The following TNS1 variants were observed in gnomAD, a reference collection of about 807,000 sequenced individuals.
TNS1 encodes the protein tensin 1, also known as tensin-1.
In TNS1, 62 loss-of-function variants were observed where a neutral mutation model predicts 168.6. The observed-to-expected ratio is 0.37, with a 90% CI of 0.30 to 0.45. The LOEUF is 0.45. Among genes scored for constraint, TNS1 ranks in the 20% least tolerant of loss-of-function variants. The pLI is 1.00. For synonymous variants in TNS1, 934 were observed against 933.2 expected, an observed-to-expected ratio of 1.00 and a Z score of -0.02; for missense variants, 2,240 against 2,339.4, an observed-to-expected ratio of 0.96 and a Z score of 0.88.
At chr2:217,854,445 C>A (rs1947885485) in intron 18 of TNS1, among the ~76,000 whole-genome samples, 1 of 152,150 alleles carries the variant, frequency 6.6e-6, no homozygotes, top group Non-Finnish European at 1.5e-5. Context: ...GATAAAAAGT[C>A]CTTTGGGTCC....
chr2:218,023,019 C>G (rs1160797692), intron 1 of TNS1, among the ~76,000 whole-genome samples: 4 of 152,224 alleles, frequency 2.6e-5, no homozygotes, highest in Admixed American at 6.5e-5. Context: ...CTCACGTGGC[C>G]TCACGTCTGG....
At chr2:217,878,481 T>A (rs550361253) in intron 18 of TNS1, among the ~76,000 whole-genome samples, 2 of 152,182 alleles carry the variant, frequency 1.3e-5, no homozygotes, top group African/African-American at 4.8e-5. Context: ...AGTTTCCCCA[T>A]TTGGACATAA....
chr2:217,827,897 A>G (rs547777857), intron 22 of TNS1, among the ~76,000 whole-genome samples: 1 of 152,340 alleles, frequency 6.6e-6, no homozygotes, highest in East Asian at 1.9e-4. Context: ...GAGAGACACA[A>G]TCACCAGGCT....
intron 9 of TNS1, among the ~76,000 whole-genome samples, chr2:217,894,767 A>G (rs554210062): frequency 3.3e-5 from 5 of 152,270 alleles, no homozygotes; most frequent in African/African-American, 9.6e-5. Context: ...GCCTCACCCA[A>G]GTGATTCTGT....
intron 8 of TNS1, among the ~76,000 whole-genome samples, chr2:217,897,571 G>A (rs1952452304): frequency 1.3e-5 from 2 of 152,192 alleles, no homozygotes; most frequent in African/African-American, 4.8e-5. Context: ...CACACACAGA[G>A]TTCCAGATGC....
At chr2:217,923,715 TCATTGGATG>T (rs1955858150) in intron 3 of TNS1, among the ~76,000 whole-genome samples, 1 of 152,236 alleles carries the variant, frequency 6.6e-6, no homozygotes, top group Non-Finnish European at 1.5e-5. Flanking sequence ...CCCTTTGCTC[TCATTGGATG>T]CTATTACCCC....
intron 28 of TNS1, among the ~76,000 whole-genome samples, chr2:217,811,225 C>T (rs972854514): frequency 1.3e-5 from 2 of 152,068 alleles, no homozygotes; most frequent in Admixed American, 6.5e-5. Context: ...CTGACACTGC[C>T]GGTCTAGGCC....
At chr2:217,915,652 A>G (rs1352111295) in intron 4 of TNS1, among the ~76,000 whole-genome samples, 1 of 152,234 alleles carries the variant, frequency 6.6e-6, no homozygotes, top group Non-Finnish European at 1.5e-5. Flanking sequence ...AGAGGGGCTC[A>G]GGAGAAGCCC....
chr2:218,019,772 C>T (rs1211564548), intron 1 of TNS1, among the ~76,000 whole-genome samples: 1 of 152,136 alleles, frequency 6.6e-6, no homozygotes, highest in Non-Finnish European at 1.5e-5. Context: ...CCAGTGTGTC[C>T]TGTTCTCTGA....
At position 217,802,697 on chromosome 2, in the gene TNS1, A is replaced by G. The variant is rs1299254615; in HGVS notation, c.*1762T>C. On this transcript the variant is annotated 3_prime_UTR_variant, in exon 33 of 33. Transcript: ENST00000682258. The stretch of plus-strand genomic sequence containing the variant: ...TTCAGGCTTTACTTACACATATAAA[A>G]AAGGATAGGAATTGGTTTATCCCCA... 6.6e-6 allele frequency: 1 copy of G among 152,646 alleles called. No individual in the cohort carries two copies. Among genetic ancestry groups the G allele is most frequent in the African/African-American group, 2.4e-5 (1 of 41,448 alleles). 9.5% of individuals were successfully genotyped at this position (152,646 alleles called of 1,614,324 possible). A position where few individuals can be genotyped will look rare whatever the true frequency, so the allele number is the denominator to read the frequency against.
At chr2:217,960,678 C>A (rs532246905) in intron 3 of TNS1, among the ~76,000 whole-genome samples, 5 of 152,282 alleles carry the variant, frequency 3.3e-5, no homozygotes, top group East Asian at 1.9e-4. Flanking sequence ...CCAACACAAC[C>A]ATTTCTGTCC....
intron 23 of TNS1, among the ~76,000 whole-genome samples, chr2:217,821,326 G>A (rs1281139411): frequency 3.9e-5 from 6 of 152,162 alleles, no homozygotes; most frequent in East Asian, 1.9e-4. Context: ...AACAATAATA[G>A]TGCTCACCTC....
intron 3 of TNS1, among the ~76,000 whole-genome samples, chr2:217,976,934 G>C (rs774908181): frequency 2.0e-5 from 3 of 152,242 alleles, no homozygotes; most frequent in Non-Finnish European, 1.5e-5. Flanking sequence ...CAGGGACAGA[G>C]AGCAGGTGAA....
chr2:217,987,327 C>A (rs546368186), intron 2 of TNS1, among the ~76,000 whole-genome samples: 1 of 152,166 alleles, frequency 6.6e-6, no homozygotes, highest in Non-Finnish European at 1.5e-5. Context: ...CAGGAGTTCA[C>A]AGGTCCGGAG....
chr2:217,979,118 G>C (rs553853119), intron 2 of TNS1, among the ~76,000 whole-genome samples: 1 of 152,008 alleles, frequency 6.6e-6, no homozygotes, highest in Non-Finnish European at 1.5e-5. Context: ...CAGGGGCAGA[G>C]GTAGCCCGGA....
At chr2:217,856,051 A>G (rs1302065056) in intron 18 of TNS1, among the ~76,000 whole-genome samples, 1 of 152,164 alleles carries the variant, frequency 6.6e-6, no homozygotes, top group African/African-American at 2.4e-5. Context: ...GGAGTTGATG[A>G]ACACCCCAAA....
chr2:217,904,724 C>T (rs1953450438), intron 6 of TNS1, among the ~76,000 whole-genome samples: 1 of 152,248 alleles, frequency 6.6e-6, no homozygotes, highest in African/African-American at 2.4e-5. Context: ...CGTGCACACT[C>T]TTGCAATCAA....
At position 217,835,705 on chromosome 2, in the gene TNS1, A is replaced by T. The variant is rs1297984087; in HGVS notation, c.3204+310T>A. ...AAAAATAATTTTGCCACTCTCCAGG[A>T]TCTAGTTTGGAGTTTTGAAATTGTG... On this transcript the variant is annotated intron_variant, in intron 20 of 32. Transcript: ENST00000682258. 2.6e-5 allele frequency among the ~76,000 whole-genome samples: 4 copies of T among 152,218 alleles called. No individual in the cohort carries two copies. In the East Asian group the frequency reaches 7.7e-4, roughly 29 times the overall value.
Position 217,978,611 on chromosome 2 carries a change from C to G in TNS1, c.186+154G>C, listed in dbSNP as rs1353842665. The G allele has an allele frequency of 8.0e-6, 4 of 501,562 alleles. No individual in the cohort carries two copies. The Admixed American group carries it at 1.1e-4, about 13-fold the overall frequency. The allele number at this position is 501,562 out of a possible 1,614,324, so 31.1% of individuals were successfully genotyped here. A position where few individuals can be genotyped will look rare whatever the true frequency, so the allele number is the denominator to read the frequency against. On this transcript the variant is annotated intron_variant, in intron 3 of 32. Transcript: ENST00000682258. ...CCTTCGCCTTCACCTTGACCTGCGC[C>G]CGCTCCCAGGCCCAGGCGCTTTGCA...
Sources: gnomAD v4.1 joint callset for allele counts (sites outside exome capture counted in the v4.1 genomes callset) on GRCh38, gnomAD v4.1.1 for gene constraint, MANE v1.5 for transcripts, NCBI Gene and HGNC (gene_info 2026-07-23, HGNC 2026-07-21) for gene names.